Variants in PPP3CA observed in about 807,000 individuals in gnomAD.
PPP3CA encodes CAM-PRP catalytic subunit.
In PPP3CA, 14 loss-of-function variants were observed where a neutral mutation model predicts 66.5. That is an observed-to-expected ratio of 0.21 (90% CI 0.14 to 0.33). The LOEUF is 0.33. Ranked by LOEUF, PPP3CA falls within the 10% of genes least tolerant of loss-of-function variation. PPP3CA has a pLI of 1.00. For missense variants in PPP3CA, 317 were observed against 639.5 expected (o/e 0.50, Z 5.44); for synonymous variants, 232 against 226.2 (o/e 1.03, Z -0.23).
intron 6 of PPP3CA, among the ~76,000 whole-genome samples, chr4:101,085,154 A>C (rs975994792): frequency 1.3e-5 from 2 of 152,256 alleles, no homozygotes; most frequent in African/African-American, 4.8e-5. Flanking sequence ...TAAGGGGCAC[A>C]GAATAGGTTC....
intron 1 of PPP3CA, among the ~76,000 whole-genome samples, chr4:101,296,421 T>C (rs1268197661): frequency 6.6e-6 from 1 of 152,134 alleles, no homozygotes; most frequent in Non-Finnish European, 1.5e-5. Flanking sequence ...CTTTTGTTCA[T>C]TTTACTGCTC....
Position 101,221,833 on chromosome 4 carries a change from T to C in PPP3CA, c.59-25717A>G, listed in dbSNP as rs185104642. ...AACTTTTCTGTTTCAAGAAACAAAA[T>C]ACTCTTCCCTCTAAAAGAAATGTAT... On this transcript the variant is annotated intron_variant, in intron 1 of 13. Transcript: ENST00000394854. Among the ~76,000 whole-genome samples the C allele has an allele frequency of 2.6e-5, 4 of 151,712 alleles. No homozygotes were observed. In the East Asian group the frequency reaches 7.8e-4, roughly 29 times the overall value.
chr4:101,113,536 TAAG>T (rs557001932), intron 2 of PPP3CA, among the ~76,000 whole-genome samples: 11 of 152,242 alleles, frequency 7.2e-5, no homozygotes, highest in African/African-American at 2.2e-4. Flanking sequence ...GGGATGAACC[TAAG>T]AAGGCTGATA....
At position 101,316,209 on chromosome 4, in the gene PPP3CA, A is replaced by G. The variant is rs538102116; in HGVS notation, c.58+30530T>C. Among the ~76,000 whole-genome samples, 4 of 151,598 alleles carry G rather than the reference A, an allele frequency of 2.6e-5. No homozygotes were observed. In the South Asian group the frequency reaches 6.3e-4, roughly 24 times the overall value. On this transcript the variant is annotated intron_variant, in intron 1 of 13. Transcript: ENST00000394854. Reference sequence around the variant, plus strand: ...ATCAGAGTTGTGTTATTACTAAAACATAAGGTAAAAATGAGTATTTGGAGG... The same window carrying G: ...ATCAGAGTTGTGTTATTACTAAAACGTAAGGTAAAAATGAGTATTTGGAGG...
At position 101,033,293 on chromosome 4, in the gene PPP3CA, A is replaced by AAACAC. The variant is rs1727089187; in HGVS notation, c.1242-930_1242-929insGTGTT. ...ACATAGAGACACACACACACACACA[A>AAACAC]ACACACACACACACACACACACACA... On this transcript the variant is annotated intron_variant, in intron 11 of 13. Transcript: ENST00000394854. Among the ~76,000 whole-genome samples, 6 of 139,370 alleles carry AAACAC rather than the reference A, an allele frequency of 4.3e-5. No homozygotes were observed. In the East Asian group the frequency reaches 1.0e-3, roughly 24 times the overall value. The allele number at this position is 139,370 out of a possible 152,430, so 91.4% of individuals were successfully genotyped here.
At chr4:101,264,631 C>T (rs1025958437) in intron 1 of PPP3CA, among the ~76,000 whole-genome samples, 2 of 152,038 alleles carry the variant, frequency 1.3e-5, no homozygotes, top group Non-Finnish European at 2.9e-5. Context: ...GATCTTTGTC[C>T]CTCAGTCTCA....
At chr4:101,105,026 G>A (rs1477101873) in intron 3 of PPP3CA, among the ~76,000 whole-genome samples, 1 of 152,032 alleles carries the variant, frequency 6.6e-6, no homozygotes, top group African/African-American at 2.4e-5. Context: ...TTGATCCTTT[G>A]CTTGAATTTC....
At chr4:101,250,419 AAT>A in intron 1 of PPP3CA, 1 of 451,952 alleles carries the variant, frequency 2.2e-6, no homozygotes, top group South Asian at 1.6e-5. Flanking sequence ...TTGCCATAAG[AAT>A]ATATTTAATA....
At chr4:101,161,015 T>C (rs1328808524) in intron 2 of PPP3CA, among the ~76,000 whole-genome samples, 1 of 152,160 alleles carries the variant, frequency 6.6e-6, no homozygotes, top group Non-Finnish European at 1.5e-5. Context: ...GCCTACATGA[T>C]GGTAGGCCCA....
chr4:101,346,877 ACGCCGCCGCCGCCGCCGC>A lies in PPP3CA; in HGVS notation c.-99_-82del. On this transcript the variant is annotated 5_prime_UTR_variant, in exon 1 of 14. Transcript: ENST00000394854. Reference sequence around the variant, plus strand: ...ACCGGACCGGCGGGCCAGACACTCAACGCCGCCGCCGCCGCCGCCGCCGCCGCGCTGCAAACCGCTCGG... The same window carrying A: ...ACCGGACCGGCGGGCCAGACACTCAACGCCGCCGCGCTGCAAACCGCTCGG... The A allele has an allele frequency of 7.7e-7, 1 of 1,292,674 alleles. No individual in the cohort carries two copies. Among genetic ancestry groups the A allele is most frequent in the Non-Finnish European group, 1.1e-6 (1 of 931,028 alleles). 80.1% of individuals were successfully genotyped at this position (1,292,674 alleles called of 1,614,324 possible). A position where few individuals can be genotyped will look rare whatever the true frequency, so the allele number is the denominator to read the frequency against.
At chr4:101,055,136 T>G (rs996831547) in intron 10 of PPP3CA, among the ~76,000 whole-genome samples, 3 of 152,062 alleles carry the variant, frequency 2.0e-5, no homozygotes, top group African/African-American at 7.2e-5. Context: ...CCCAGATAAA[T>G]AACTATTCCT....
intron 1 of PPP3CA, among the ~76,000 whole-genome samples, chr4:101,307,744 T>G (rs1176837449): frequency 6.6e-6 from 1 of 152,238 alleles, no homozygotes; most frequent in Admixed American, 6.5e-5. Flanking sequence ...GTGCCTAGTA[T>G]GTGAAGCCTT....
chr4:101,263,305 A>C (rs988422972), intron 1 of PPP3CA, among the ~76,000 whole-genome samples: 2 of 152,302 alleles, frequency 1.3e-5, no homozygotes, highest in African/African-American at 4.8e-5. Flanking sequence ...GAGTTTACAC[A>C]AAAAACTACT....
At chr4:101,155,092 G>A (rs925097366) in intron 2 of PPP3CA, among the ~76,000 whole-genome samples, 14 of 152,120 alleles carry the variant, frequency 9.2e-5, no homozygotes, top group African/African-American at 3.4e-4. Flanking sequence ...TGGGATTACG[G>A]GCGTGAGCCA....
At chr4:101,165,441 C>T (rs1044359857) in intron 2 of PPP3CA, among the ~76,000 whole-genome samples, 3 of 152,092 alleles carry the variant, frequency 2.0e-5, no homozygotes, top group African/African-American at 7.2e-5. Context: ...TTCAGACAGA[C>T]ACAAACTTAA....
At chr4:101,179,934 C>T (rs991234308) in intron 2 of PPP3CA, among the ~76,000 whole-genome samples, 1 of 152,092 alleles carries the variant, frequency 6.6e-6, no homozygotes, top group Admixed American at 6.6e-5. Flanking sequence ...TCAAAACCTA[C>T]ATGTAAAATA....
At chr4:101,195,227 C>T (rs1724748550) in intron 2 of PPP3CA, among the ~76,000 whole-genome samples, 1 of 146,674 alleles carries the variant, frequency 6.8e-6, no homozygotes, top group South Asian at 2.1e-4. Flanking sequence ...GAGATTGCAC[C>T]ATTGCACTCC....
intron 2 of PPP3CA, among the ~76,000 whole-genome samples, chr4:101,159,037 C>T (rs1413617673): frequency 6.6e-6 from 1 of 152,152 alleles, no homozygotes; most frequent in Non-Finnish European, 1.5e-5. Flanking sequence ...CTAATTTAAT[C>T]CTCACAGTTC....
Position 101,025,954 on chromosome 4 carries a change from C to T in PPP3CA, c.1477G>A (p.Asp493Asn), listed in dbSNP as rs1726628642. ...TTGTTGATGGAGTTAAGGTTGGCGT[C>T]AGAGGGCATGGCATCTCTGCGAGGC... ...MPPRRDAMPS[D>N]ANLNSINKAL... is the part of the protein sequence containing the mutation. The change falls in exon 14 of 14, where the codon GAC becomes AAC. Residue 493 changes from aspartate to asparagine, a missense_variant. This residue lies in a region of PPP3CA where 40 missense variants were observed against 38.6 expected (regional missense o/e 1.04). Coordinates refer to ENST00000394854, the MANE Select transcript of PPP3CA (RefSeq NM_000944.5). 6.2e-7 allele frequency: 1 copy of T among 1,612,328 alleles called. No individual in the cohort carries two copies. The highest frequency in any genetic ancestry group is 1.7e-5 in the Admixed American group (1 of 59,902).
Sources: allele counts gnomAD v4.1 joint callset (sites outside exome capture counted in the v4.1 genomes callset), GRCh38; gene constraint gnomAD v4.1.1; regional missense constraint gnomAD v4.1.1; transcripts MANE v1.5; gene names NCBI Gene and HGNC (gene_info 2026-07-23, HGNC 2026-07-21).